The following PHLDB2 variants were observed in gnomAD, a reference collection of about 807,000 sequenced individuals.
The protein encoded by PHLDB2 is pleckstrin homology-like domain family B member 2.
In PHLDB2, 71 loss-of-function variants were observed where a neutral mutation model predicts 123.6. The ratio of observed to expected loss-of-function variants is 0.57; its 90% CI spans 0.47 to 0.70. PHLDB2 has a LOEUF of 0.70. Ranked by LOEUF, PHLDB2 falls within the 30% of genes least tolerant of loss-of-function variation. PHLDB2 has a pLI of 0.00. For synonymous variants in PHLDB2, 547 were observed against 541.6 expected, an observed-to-expected ratio of 1.01 and a Z score of -0.14; for missense variants, 1,446 against 1,519.5, an observed-to-expected ratio of 0.95 and a Z score of 0.80.
At chr3:111,903,367 G>A (rs2067311625) in intron 2 of PHLDB2, among the ~76,000 whole-genome samples, 1 of 152,078 alleles carries the variant, frequency 6.6e-6, no homozygotes, top group African/African-American at 2.4e-5. Flanking sequence ...GTGAGCGTGG[G>A]AGGACCAAAT....
intron 1 of PHLDB2, among the ~76,000 whole-genome samples, chr3:111,825,634 G>A (rs567729309): frequency 6.6e-6 from 1 of 152,304 alleles, no homozygotes; most frequent in African/African-American, 2.4e-5. Flanking sequence ...TTTTAGTAGA[G>A]ACAAGATTCT....
At chr3:111,907,433 A>G (rs1337254450) in intron 2 of PHLDB2, among the ~76,000 whole-genome samples, 1 of 152,168 alleles carries the variant, frequency 6.6e-6, no homozygotes, top group East Asian at 1.9e-4. Flanking sequence ...TTGGTAGGTG[A>G]TAGTGTGCAC....
At chr3:111,768,133 A>G (rs1559820902) in intron 1 of PHLDB2, among the ~76,000 whole-genome samples, 1 of 152,178 alleles carries the variant, frequency 6.6e-6, no homozygotes, top group Non-Finnish European at 1.5e-5. Flanking sequence ...TACCCAGGAA[A>G]GCTATTGTTT....
rs544422528 is a variant in PHLDB2, at chr3:111,872,979, C to T, written c.-14-11085C>T. Among the ~76,000 whole-genome samples, 3 of 152,210 alleles carry T rather than the reference C, an allele frequency of 2.0e-5. No homozygotes were observed. The South Asian group carries it at 6.2e-4, about 32-fold the overall frequency. ...ACCTTTTATACATTCTAAACAGGAC[C>T]AATAAGCTTGAACTAAAAAGAAAAA... is the stretch of plus-strand genomic sequence containing the variant. On this transcript the variant is annotated intron_variant, in intron 1 of 17. Coordinates refer to ENST00000431670, the MANE Select transcript of PHLDB2 (RefSeq NM_001134438.2).
At chr3:111,851,021 C>T (rs2064226546) in intron 2 of PHLDB2, among the ~76,000 whole-genome samples, 1 of 151,046 alleles carries the variant, frequency 6.6e-6, no homozygotes, top group African/African-American at 2.4e-5. Context: ...CAGTGAAACC[C>T]CGTCTCTACT....
upstream of PHLDB2, among the ~76,000 whole-genome samples, chr3:111,855,612 T>G: frequency 6.7e-6 from 1 of 150,108 alleles, no homozygotes; most frequent in East Asian, 2.0e-4. Context: ...TCTATAGATG[T>G]TGAGGTCTGC....
At chr3:111,829,684 G>C (rs1432716273) in intron 1 of PHLDB2, among the ~76,000 whole-genome samples, 2 of 151,626 alleles carry the variant, frequency 1.3e-5, no homozygotes, top group Non-Finnish European at 2.9e-5. Context: ...GGGTGGTCTC[G>C]AACTCCTGAC....
intron 1 of PHLDB2, 33 bp from the exon 2 acceptor site, chr3:111,884,031 T>C: frequency 6.4e-7 from 1 of 1,566,768 alleles, no homozygotes; most frequent in Non-Finnish European, 8.6e-7. Flanking sequence ...AAATCTTCTT[T>C]AAGGCAAAAT....
chr3:111,842,194 G>A (rs1052832923), intron 1 of PHLDB2, among the ~76,000 whole-genome samples: 15 of 152,184 alleles, frequency 9.9e-5, no homozygotes, highest in African/African-American at 3.6e-4. Context: ...TTATTATCTG[G>A]TCTTTAGCAG....
chr3:111,829,643 T>C (rs1295168317), intron 1 of PHLDB2, among the ~76,000 whole-genome samples: 3 of 151,880 alleles, frequency 2.0e-5, no homozygotes, highest in Non-Finnish European at 4.4e-5. Context: ...TTTGTAGTTT[T>C]AGTAGAGACG....
At chr3:111,753,006 C>A (rs557243047) in intron 1 of PHLDB2, among the ~76,000 whole-genome samples, 1 of 152,288 alleles carries the variant, frequency 6.6e-6, no homozygotes, top group South Asian at 2.1e-4. Context: ...GCATAGTATT[C>A]CATGGTGTAT....
intron 1 of PHLDB2, among the ~76,000 whole-genome samples, chr3:111,806,397 A>G (rs530870056): frequency 7.9e-5 from 12 of 152,154 alleles, no homozygotes; most frequent in Non-Finnish European, 1.3e-4. Flanking sequence ...GAAATTTCAT[A>G]TAAATGGAAT....
At chr3:111,780,378 A>AGAAGAAGAAGAAGAAGAAGAAGAAGAG (rs2060397016) in intron 1 of PHLDB2, among the ~76,000 whole-genome samples, 1 of 43,472 alleles carries the variant, frequency 2.3e-5, no homozygotes, top group Non-Finnish European at 6.8e-5. Flanking sequence ...AAGAAGAAGA[A>AGAAGAAGAAGAAGAAGAAGAAGAAGAG]GAAGAAGAAG....
At chr3:111,907,457 T>C (rs1188828454) in intron 2 of PHLDB2, among the ~76,000 whole-genome samples, 4 of 152,178 alleles carry the variant, frequency 2.6e-5, no homozygotes, top group Non-Finnish European at 4.4e-5. Flanking sequence ...ACAGGGAGGC[T>C]TACCCAAGCT....
chr3:111,853,425 C>T (rs1211527950), intron 2 of PHLDB2, among the ~76,000 whole-genome samples: 1 of 152,138 alleles, frequency 6.6e-6, no homozygotes, highest in Non-Finnish European at 1.5e-5. Flanking sequence ...TGGAACTGAA[C>T]TTATATAGGA....
chr3:111,865,716 A>G (rs1269906614), intron 1 of PHLDB2, among the ~76,000 whole-genome samples: 1 of 152,142 alleles, frequency 6.6e-6, no homozygotes, highest in Admixed American at 6.6e-5. Flanking sequence ...TGGCCACTGT[A>G]ATAAAAATAA....
chr3:111,966,062 G>A (rs568652846), intron 13 of PHLDB2, among the ~76,000 whole-genome samples: 7 of 152,038 alleles, frequency 4.6e-5, no homozygotes, highest in Non-Finnish European at 1.0e-4. Context: ...TGTTTTAATT[G>A]GCATCATGAT....
At chr3:111,973,943 C>A in intron 17 of PHLDB2, 126 bp downstream of exon 17, 1 of 546,998 alleles carries the variant, frequency 1.8e-6, no homozygotes, top group East Asian at 2.9e-5. Flanking sequence ...CAGAATGGTG[C>A]TGGAAAAGTA....
intron 1 of PHLDB2, among the ~76,000 whole-genome samples, chr3:111,830,531 C>G (rs1213603634): frequency 7.0e-6 from 1 of 143,852 alleles, no homozygotes; most frequent in Non-Finnish European, 1.5e-5. Flanking sequence ...AAAAAAGGGC[C>G]GGGCGCGGTG....
Sources: gnomAD v4.1 joint callset for allele counts (sites outside exome capture counted in the v4.1 genomes callset) on GRCh38, gnomAD v4.1.1 for gene constraint, MANE v1.5 for transcripts, NCBI Gene and HGNC (gene_info 2026-07-23, HGNC 2026-07-21) for gene names.